Variants in ROBO2 observed in about 807,000 individuals in gnomAD.
ROBO2 encodes the protein roundabout guidance receptor 2, also known as roundabout homolog 2.
ROBO2 carries 53 observed loss-of-function variants against 160.8 expected under a neutral mutation model. That is an observed-to-expected ratio of 0.33 (90% confidence interval 0.26 to 0.41). The LOEUF (loss-of-function observed/expected upper bound fraction) is 0.41. ROBO2 is among the 10% of genes least tolerant of loss of function. The pLI is 1.00. For missense variants in ROBO2, 1,577 were observed against 1,722.4 expected, an observed-to-expected ratio of 0.92 and a Z score of 1.49; for synonymous variants, 664 against 611.7, an observed-to-expected ratio of 1.09 and a Z score of -1.26.
chr3:76,105,017 T>C (rs1334405075), intron 2 of ROBO2, among the ~76,000 whole-genome samples: 3 of 152,188 alleles, frequency 2.0e-5, no homozygotes, highest in Admixed American at 2.0e-4. Context: ...TTTATTTATA[T>C]GTTTGCCAGG....
intron 2 of ROBO2, among the ~76,000 whole-genome samples, chr3:76,851,347 T>C (rs886185117): frequency 1.4e-4 from 21 of 152,230 alleles, no homozygotes; most frequent in Non-Finnish European, 2.5e-4. Flanking sequence ...CCCATCATTG[T>C]AGAGAATGCT....
chr3:76,437,566 TG>T (rs2076741193), intron 2 of ROBO2, among the ~76,000 whole-genome samples: 1 of 152,214 alleles, frequency 6.6e-6, no homozygotes, highest in Non-Finnish European at 1.5e-5. Context: ...AGTGTTCTTC[TG>T]AATTCTGAAC....
intron 2 of ROBO2, among the ~76,000 whole-genome samples, chr3:77,217,541 G>GA (rs1189819083): frequency 3.3e-5 from 5 of 152,258 alleles, no homozygotes; most frequent in African/African-American, 7.2e-5. Flanking sequence ...ATGATGATGT[G>GA]TTTTTTGCTC....
chr3:76,309,988 A>AT lies in ROBO2; in HGVS notation c.109+372399dup, dbSNP rs758057289. Reference sequence around the variant, plus strand: ...ACAGGCGTACCACCATGCATGGCTAATTTTTTTTTTTTTGTAGAGGTGGGG... The same window carrying AT: ...ACAGGCGTACCACCATGCATGGCTAATTTTTTTTTTTTTTGTAGAGGTGGGG... On this transcript the variant is annotated intron_variant, in intron 2 of 26. Transcript: ENST00000487694. Among the ~76,000 whole-genome samples, 756 of 145,032 alleles carry AT rather than the reference A, an allele frequency of 5.2e-3. 5 individuals are homozygous for AT. Among genetic ancestry groups the AT allele is most frequent in the African/African-American group, 0.011 (431 of 39,818 alleles).
intron 2 of ROBO2, among the ~76,000 whole-genome samples, chr3:76,982,638 C>T (rs1179332346): frequency 6.6e-6 from 1 of 152,082 alleles, no homozygotes; most frequent in Non-Finnish European, 1.5e-5. Context: ...ATATATTACA[C>T]TGTGAAATAA....
intron 2 of ROBO2, among the ~76,000 whole-genome samples, chr3:76,833,998 CTTCT>C (rs1553651088): frequency 5.1e-5 from 1 of 19,434 alleles, no homozygotes; most frequent in African/African-American, 1.3e-4. Context: ...TCTTTCTTTC[CTTCT>C]TTCTTTCTTT....
At chr3:77,475,266 A>G (rs186587628) in intron 2 of ROBO2, among the ~76,000 whole-genome samples, 34 of 152,308 alleles carry the variant, frequency 2.2e-4, no homozygotes, top group African/African-American at 7.0e-4. Flanking sequence ...GCCTAAAATT[A>G]CAGTTGATGT....
At chr3:76,869,340 A>ATCTTTTTTTTTTTTTTTTTTTTTTTT (rs1178461363) in intron 2 of ROBO2, among the ~76,000 whole-genome samples, 1 of 108,140 alleles carries the variant, frequency 9.2e-6, no homozygotes. Context: ...GTAGAAATTG[A>ATCTTTTTTTTTTTTTTTTTTTTTTTT]TGTTTTTTTT....
chr3:77,445,102 T>G (rs1283137595), intron 2 of ROBO2, among the ~76,000 whole-genome samples: 1 of 152,170 alleles, frequency 6.6e-6, no homozygotes, highest in Non-Finnish European at 1.5e-5. Context: ...ATTTTTTGTC[T>G]TCTGCAGATA....
chr3:76,419,668 G>A lies in ROBO2; in HGVS notation c.109+482066G>A, dbSNP rs186434174. On this transcript the variant is annotated intron_variant, in intron 2 of 26. Coordinates refer to the ROBO2 transcript ENST00000487694. ...ATTGAGGAAAGAGATGTACATTGTC[G>A]TGTTTTTTTCATGAAGGTAGGAAAC... Among the ~76,000 whole-genome samples, 3 of 152,134 alleles carry A rather than the reference G, an allele frequency of 2.0e-5. No individual in the cohort carries two copies. In the East Asian group the frequency reaches 5.8e-4, roughly 30 times the overall value.
At chr3:77,177,329 A>G (rs2080251785) in intron 2 of ROBO2, among the ~76,000 whole-genome samples, 1 of 151,962 alleles carries the variant, frequency 6.6e-6, no homozygotes, top group South Asian at 2.1e-4. Context: ...ACTTTGTTTC[A>G]TGTCATCTTA....
At chr3:75,962,225 T>C (rs1948941538) in intron 2 of ROBO2, among the ~76,000 whole-genome samples, 1 of 151,780 alleles carries the variant, frequency 6.6e-6, no homozygotes, top group Non-Finnish European at 1.5e-5. Flanking sequence ...GATTAACATC[T>C]GACTTTTCAT....
chr3:76,270,510 C>T (rs764182420), intron 2 of ROBO2, among the ~76,000 whole-genome samples: 7 of 152,014 alleles, frequency 4.6e-5, no homozygotes, highest in Non-Finnish European at 8.8e-5. Flanking sequence ...AGACCATTAT[C>T]GTAGATGATA....
At chr3:76,786,999 C>T (rs1290328378) in intron 2 of ROBO2, among the ~76,000 whole-genome samples, 1 of 151,230 alleles carries the variant, frequency 6.6e-6, no homozygotes, top group African/African-American at 2.4e-5. Flanking sequence ...GAAACAAGCA[C>T]ATCTTCATAT....
intron 2 of ROBO2, among the ~76,000 whole-genome samples, chr3:76,851,803 A>G (rs1465105907): frequency 6.6e-6 from 1 of 151,508 alleles, no homozygotes; most frequent in Non-Finnish European, 1.5e-5. Context: ...TATTAAGTGA[A>G]TATTTCAACA....
chr3:77,320,639 G>A (rs1164981771), intron 2 of ROBO2, among the ~76,000 whole-genome samples: 1 of 151,696 alleles, frequency 6.6e-6, no homozygotes, highest in Admixed American at 6.6e-5. Context: ...TTGTATGTTG[G>A]CCAAATATCT....
intron 2 of ROBO2, among the ~76,000 whole-genome samples, chr3:76,948,904 ATATATTTTTTTTT>A (rs1317659234): frequency 5.5e-3 from 136 of 24,816 alleles, no homozygotes; most frequent in African/African-American, 0.02. Flanking sequence ...ATATATATAT[ATATATTTTTTTTT>A]TTTTTTTTTT....
At chr3:77,432,308 G>A (rs1341828047) in intron 2 of ROBO2, among the ~76,000 whole-genome samples, 1 of 152,112 alleles carries the variant, frequency 6.6e-6, no homozygotes, top group Non-Finnish European at 1.5e-5. Flanking sequence ...AGTGAATTCT[G>A]TATGGGTAAT....
intron 2 of ROBO2, among the ~76,000 whole-genome samples, chr3:77,279,029 T>C (rs952801435): frequency 2.0e-5 from 3 of 152,232 alleles, no homozygotes; most frequent in Middle Eastern, 3.4e-3. Flanking sequence ...ATGCTAATCA[T>C]ATTCCTTAGA....
Sources: gnomAD v4.1 joint callset for allele counts (sites outside exome capture counted in the v4.1 genomes callset) on GRCh38, gnomAD v4.1.1 for gene constraint, MANE v1.5 for transcripts, NCBI Gene and HGNC (gene_info 2026-07-23, HGNC 2026-07-21) for gene names.